The following RASGEF1C variants were observed in gnomAD, a reference collection of about 807,000 sequenced individuals.
RASGEF1C encodes the protein RasGEF domain family member 1C, also known as ras-GEF domain-containing family member 1C.
Under a neutral mutation model 58.1 loss-of-function variants are expected in RASGEF1C, and 27 were observed. The ratio of observed to expected loss-of-function variants is 0.46; its 90% CI spans 0.34 to 0.64. The LOEUF is 0.64. Among genes scored for constraint, RASGEF1C ranks in the 30% least tolerant of loss-of-function variants. RASGEF1C has a pLI of 0.01. For synonymous variants in RASGEF1C, 243 were observed against 246.3 expected (o/e 0.99, Z 0.13); for missense variants, 502 against 605.1 (o/e 0.83, Z 1.79).
intron 1 of RASGEF1C, among the ~76,000 whole-genome samples, chr5:180,172,535 C>T (rs376184434): frequency 3.9e-5 from 6 of 152,172 alleles, no homozygotes; most frequent in Admixed American, 6.5e-5. Flanking sequence ...GCTGCCTGCC[C>T]GCCACTTCTC....
chr5:180,176,671 G>C (rs536236392), intron 1 of RASGEF1C, among the ~76,000 whole-genome samples: 61 of 151,056 alleles, frequency 4.0e-4, no homozygotes, highest in Middle Eastern at 3.4e-3. Flanking sequence ...ATTCTCCTGT[G>C]TCAGCCTCCC....
intron 1 of RASGEF1C, among the ~76,000 whole-genome samples, chr5:180,207,802 C>CG (rs1756516028): frequency 6.6e-6 from 1 of 152,280 alleles, no homozygotes; most frequent in African/African-American, 2.4e-5. Flanking sequence ...GCTGTTCCCC[C>CG]GGGCTACCCG....
intron 1 of RASGEF1C, among the ~76,000 whole-genome samples, chr5:180,173,884 G>T (rs559739525): frequency 6.7e-6 from 1 of 148,926 alleles, no homozygotes; most frequent in East Asian, 2.0e-4. Flanking sequence ...CTGCACTCCA[G>T]CCTGGGCAAC....
chr5:180,174,471 T>TGC (rs1767178162), intron 1 of RASGEF1C, among the ~76,000 whole-genome samples: 2 of 103,754 alleles, frequency 1.9e-5, no homozygotes, highest in African/African-American at 7.5e-5. Flanking sequence ...TGTCTGTGTG[T>TGC]ATGTGTGTCT....
At chr5:180,175,150 C>T (rs558001814) in intron 1 of RASGEF1C, among the ~76,000 whole-genome samples, 1 of 152,178 alleles carries the variant, frequency 6.6e-6, no homozygotes, top group South Asian at 2.1e-4. Context: ...GGTGTGAGAA[C>T]CCAAGTCCTG....
intron 4 of RASGEF1C, among the ~76,000 whole-genome samples, chr5:180,129,698 G>A (rs537387320): frequency 6.6e-6 from 1 of 152,342 alleles, no homozygotes; most frequent in East Asian, 1.9e-4. Context: ...GGGAGCAGCA[G>A]CCTGTCCAGT....
chr5:180,206,383 A>G (rs925317163), intron 1 of RASGEF1C, among the ~76,000 whole-genome samples: 3 of 152,226 alleles, frequency 2.0e-5, no homozygotes, highest in Non-Finnish European at 4.4e-5. Context: ...AAGATGTCCA[A>G]TTTCATTTAT....
At chr5:180,151,048 T>G (rs1338309161) in intron 1 of RASGEF1C, among the ~76,000 whole-genome samples, 2 of 151,758 alleles carry the variant, frequency 1.3e-5, no homozygotes, top group Non-Finnish European at 2.9e-5. Flanking sequence ...TACAAACCAC[T>G]GCTCAATGAA....
chr5:180,107,734 A>C (rs1765894239), intron 12 of RASGEF1C, among the ~76,000 whole-genome samples: 1 of 152,148 alleles, frequency 6.6e-6, no homozygotes, highest in South Asian at 2.1e-4. Context: ...TCAGCCACCC[A>C]AGTAGCTGGG....
chr5:180,108,490 C>T (rs376677152), intron 12 of RASGEF1C, among the ~76,000 whole-genome samples: 4 of 152,112 alleles, frequency 2.6e-5, no homozygotes, highest in South Asian at 2.1e-4. Flanking sequence ...CACGAGCCAC[C>T]GCGCCCAGCC....
At chr5:180,176,788 C>T (rs1693737605) in intron 1 of RASGEF1C, among the ~76,000 whole-genome samples, 1 of 152,114 alleles carries the variant, frequency 6.6e-6, no homozygotes, top group Non-Finnish European at 1.5e-5. Flanking sequence ...GATCTCCTGA[C>T]TTCATGATCC....
At chr5:180,182,902 TG>T (rs1254163419) in intron 1 of RASGEF1C, among the ~76,000 whole-genome samples, 1 of 152,204 alleles carries the variant, frequency 6.6e-6, no homozygotes, top group Non-Finnish European at 1.5e-5. Context: ...TCCTACTCCC[TG>T]GTGTACACAC....
At chr5:180,195,350 G>C (rs1756246861) in intron 1 of RASGEF1C, among the ~76,000 whole-genome samples, 2 of 152,152 alleles carry the variant, frequency 1.3e-5, no homozygotes. Context: ...GCAGAGTACG[G>C]ACCAACAGGA....
rs148709773 is a variant in RASGEF1C at position 180,102,171 on chromosome 5, C to T, written c.1304-28G>A. On this transcript the variant is annotated intron_variant, in intron 12 of 13. Transcript: ENST00000361132. ...AGACAGAAAATGAAGTGAAATTTCACAATTATGGTTGATGATAATAACCTG... is the reference window on the plus strand; with the variant it reads ...AGACAGAAAATGAAGTGAAATTTCATAATTATGGTTGATGATAATAACCTG... 514 of 1,355,396 alleles carry T rather than the reference C, an allele frequency of 3.8e-4. 2 individuals are homozygous for T. In the East Asian group the frequency reaches 0.011, roughly 28 times the overall value. 84.0% of individuals were successfully genotyped at this position (1,355,396 alleles called of 1,614,324 possible).
chr5:180,145,557 G>T (rs1051235211), intron 1 of RASGEF1C, among the ~76,000 whole-genome samples: 1 of 152,168 alleles, frequency 6.6e-6, no homozygotes, highest in Non-Finnish European at 1.5e-5. Flanking sequence ...TTGTGGTTTG[G>T]ATTTGCATTT....
chr5:180,163,306 G>A (rs1324864956), intron 1 of RASGEF1C, among the ~76,000 whole-genome samples: 1 of 142,170 alleles, frequency 7.0e-6, no homozygotes, highest in Non-Finnish European at 1.5e-5. Context: ...GGAGGGTTGA[G>A]AATGGACAGT....
rs373050178 is a variant in RASGEF1C at position 180,137,645 on chromosome 5, C to G, written c.245G>C (p.Arg82Pro). ...CTGCTCGATGCACAGGTGGCAGACC[C>G]GGGCCAGGAGCTCCCGGGGCTCGAT... ...LFIEPRELLA[R>P]VCHLCIEQQQ... Residue 82 changes from arginine to proline, a missense_variant, in exon 3 of 14, where the codon CGG becomes CCG. Coordinates refer to ENST00000361132, the MANE Select transcript of RASGEF1C (RefSeq NM_175062.4). This position sits in a 1 kb window ranked among gnomAD's most constrained non-coding sequence, Gnocchi z 4.1. The G allele has an allele frequency of 6.2e-7, 1 of 1,612,656 alleles. No homozygotes were observed. The highest frequency in any genetic ancestry group is 2.2e-5 in the East Asian group (1 of 44,870).
At position 180,168,003 on chromosome 5, in the gene RASGEF1C, A is replaced by G. The variant is rs754529530; in HGVS notation, c.-6-29945T>C. 1.6e-4 allele frequency among the ~76,000 whole-genome samples: 24 copies of G among 152,206 alleles called. No individual in the cohort carries two copies. Among genetic ancestry groups the G allele is most frequent in the Non-Finnish European group, 3.1e-4 (21 of 68,048 alleles). Reference sequence around the variant, plus strand: ...TGTGCTACCTAGCGGCCAGTCTGAGACCTGGGCCGTGTTTTATTTTGTACT... The same window carrying G: ...TGTGCTACCTAGCGGCCAGTCTGAGGCCTGGGCCGTGTTTTATTTTGTACT... On this transcript the variant is annotated intron_variant, in intron 1 of 13. Coordinates refer to ENST00000361132, the MANE Select transcript of RASGEF1C (RefSeq NM_175062.4). The surrounding 1 kb of genome is among the most constrained non-coding windows in gnomAD (Gnocchi z 6.0).
At chr5:180,101,578 G>T in intron 13 of RASGEF1C, 53 bp from the exon 14 acceptor site, 1 of 1,600,346 alleles carries the variant, frequency 6.2e-7, no homozygotes, top group Non-Finnish European at 8.5e-7. Flanking sequence ...CCCCACCCCA[G>T]TTAGACTGCT....
Sources: allele counts gnomAD v4.1 joint callset (sites outside exome capture counted in the v4.1 genomes callset), GRCh38; gene constraint gnomAD v4.1.1; non-coding constraint Gnocchi (gnomAD v3.1); transcripts MANE v1.5; gene names NCBI Gene and HGNC (gene_info 2026-07-23, HGNC 2026-07-21).